The following DENND1B variants were observed in gnomAD, a reference collection of about 807,000 sequenced individuals.
The protein encoded by DENND1B is DENN domain containing 1B.
DENND1B carries 59 observed loss-of-function variants against 90.1 expected under a neutral mutation model. The ratio of observed to expected loss-of-function variants is 0.65; its 90% CI spans 0.53 to 0.81. DENND1B has a LOEUF of 0.81. DENND1B is among the 40% of genes least tolerant of loss of function. The pLI is 0.00. For missense variants in DENND1B, 862 were observed against 912.6 expected (o/e 0.94, Z 0.71); for synonymous variants, 337 against 324.6 (o/e 1.04, Z -0.41).
chr1:197,639,482 C>T (rs6682968), intron 10 of DENND1B, among the ~76,000 whole-genome samples: 23,315 of 152,154 alleles, frequency 0.15, 2,374 homozygotes, highest in Middle Eastern at 0.31. Flanking sequence ...TTATAATTAT[C>T]ATTCTCTTAT....
chr1:197,608,759 A>G (rs1405140892), intron 12 of DENND1B, among the ~76,000 whole-genome samples: 1 of 150,638 alleles, frequency 6.6e-6, no homozygotes, highest in Non-Finnish European at 1.5e-5. Context: ...CACTCAACTC[A>G]GAACAAGGAA....
rs1049758233 is a variant in DENND1B at position 197,618,912 on chromosome 1, T to C, written c.673-1153A>G. On this transcript the variant is annotated intron_variant, in intron 10 of 22. Transcript: ENST00000620048. Reference sequence around the variant, plus strand: ...TGTACACAAAGCTATCCAAATCCTATTATTAGCCACATTTGTCTATGTTTA... The same window carrying C: ...TGTACACAAAGCTATCCAAATCCTACTATTAGCCACATTTGTCTATGTTTA... Among the ~76,000 whole-genome samples the C allele has an allele frequency of 7.3e-5, 11 of 151,324 alleles. No individual in the cohort carries two copies. The South Asian group carries it at 1.5e-3, about 20-fold the overall frequency.
chr1:197,526,198 A>C (rs1330083925), intron 20 of DENND1B, among the ~76,000 whole-genome samples: 1 of 152,202 alleles, frequency 6.6e-6, no homozygotes, highest in African/African-American at 2.4e-5. Flanking sequence ...GGGGGACACT[A>C]ATAGGCAGCA....
intron 15 of DENND1B, among the ~76,000 whole-genome samples, chr1:197,555,958 G>T (rs1388416557): frequency 6.6e-6 from 1 of 152,048 alleles, no homozygotes; most frequent in Non-Finnish European, 1.5e-5. Flanking sequence ...CAACCCAGCT[G>T]CCTTTTACCA....
intron 3 of DENND1B, chr1:197,690,280 C>A: frequency 4.2e-6 from 1 of 239,090 alleles, no homozygotes; most frequent in South Asian, 7.2e-5. Flanking sequence ...GCTGACTGCA[C>A]TGCTCACATG....
intron 10 of DENND1B, among the ~76,000 whole-genome samples, chr1:197,625,115 C>T (rs891970553): frequency 2.2e-4 from 33 of 151,666 alleles, no homozygotes; most frequent in Non-Finnish European, 3.7e-4. Context: ...CCAGAATTTC[C>T]CCAATCTAGC....
chr1:197,621,031 C>T (rs910029777), intron 10 of DENND1B, among the ~76,000 whole-genome samples: 5 of 151,096 alleles, frequency 3.3e-5, no homozygotes, highest in Admixed American at 6.6e-5. Context: ...GTAAATTAAA[C>T]GAGGCATTCA....
At chr1:197,743,763 G>A (rs1358073989) in intron 2 of DENND1B, among the ~76,000 whole-genome samples, 1 of 152,178 alleles carries the variant, frequency 6.6e-6, no homozygotes, top group African/African-American at 2.4e-5. Flanking sequence ...CAGTAGGACT[G>A]CTTGAGCCCA....
At chr1:197,774,897 T>A (rs865844149) in intron 1 of DENND1B, among the ~76,000 whole-genome samples, 4 of 152,032 alleles carry the variant, frequency 2.6e-5, no homozygotes, top group Admixed American at 2.0e-4. Context: ...GCTAGTGGCC[T>A]CTCCGGGAGG....
intron 3 of DENND1B, among the ~76,000 whole-genome samples, chr1:197,686,785 C>T (rs1221970640): frequency 6.6e-6 from 1 of 151,736 alleles, no homozygotes; most frequent in Non-Finnish European, 1.5e-5. Context: ...TTCACAACTC[C>T]TTCTTCATAT....
intron 3 of DENND1B, among the ~76,000 whole-genome samples, chr1:197,681,914 TA>T: frequency 6.6e-6 from 1 of 152,294 alleles, no homozygotes; most frequent in East Asian, 1.9e-4. Context: ...AACATAGTGA[TA>T]AAATATGTTT....
Position 197,673,422 on chromosome 1 carries a change from G to A in DENND1B, c.176+698C>T, listed in dbSNP as rs552428302. On this transcript the variant is annotated intron_variant, in intron 4 of 22. Coordinates refer to ENST00000620048, the MANE Select transcript of DENND1B (RefSeq NM_001195215.2). ...CATAAAGTCTCACTAATACTTTAGC[G>A]AAGTATTTTCCTAAAATAAACATTC... Among the ~76,000 whole-genome samples the A allele has an allele frequency of 4.3e-4, 66 of 152,006 alleles. No individual in the cohort carries two copies. In the East Asian group the frequency reaches 9.7e-3, roughly 22 times the overall value.
At chr1:197,655,529 T>C (rs1287965955) in intron 6 of DENND1B, among the ~76,000 whole-genome samples, 1 of 151,590 alleles carries the variant, frequency 6.6e-6, no homozygotes, top group Non-Finnish European at 1.5e-5. Context: ...ATAGCTACAT[T>C]AACTTTTTTT....
intron 16 of DENND1B, among the ~76,000 whole-genome samples, chr1:197,548,767 G>A (rs1380877879): frequency 6.6e-6 from 1 of 151,972 alleles, no homozygotes; most frequent in Non-Finnish European, 1.5e-5. Context: ...TATTTGAAAG[G>A]GAAAGGGGCT....
intron 13 of DENND1B, among the ~76,000 whole-genome samples, chr1:197,602,727 AT>A (rs1349581257): frequency 6.6e-6 from 1 of 151,436 alleles, no homozygotes; most frequent in African/African-American, 2.4e-5. Context: ...ATAACTTAAT[AT>A]TTTTTGAAAA....
chr1:197,660,696 A>G (rs555432706), intron 5 of DENND1B, among the ~76,000 whole-genome samples: 195 of 152,262 alleles, frequency 1.3e-3, no homozygotes, highest in Middle Eastern at 3.4e-3. Context: ...AACAGCAATA[A>G]GGAAAGTTAG....
At chr1:197,688,701 C>A (rs1657522500) in intron 3 of DENND1B, 1 of 152,280 alleles carries the variant, frequency 6.6e-6, no homozygotes, top group Admixed American at 6.6e-5. Flanking sequence ...AGCTTTTTGG[C>A]AAAGGGTTTG....
At chr1:197,730,144 A>T (rs951618136) in intron 2 of DENND1B, among the ~76,000 whole-genome samples, 8 of 152,118 alleles carry the variant, frequency 5.3e-5, no homozygotes, top group Admixed American at 2.6e-4. Flanking sequence ...TCTAATTAAG[A>T]TTTTCTTTAA....
At chr1:197,591,055 G>A (rs1382723582) in intron 14 of DENND1B, among the ~76,000 whole-genome samples, 2 of 152,162 alleles carry the variant, frequency 1.3e-5, no homozygotes, top group African/African-American at 4.8e-5. Context: ...GCCTCTATAG[G>A]AGCGAATCCT....
Sources: gnomAD v4.1 joint callset for allele counts (sites outside exome capture counted in the v4.1 genomes callset) on GRCh38, gnomAD v4.1.1 for gene constraint, MANE v1.5 for transcripts, NCBI Gene and HGNC (gene_info 2026-07-23, HGNC 2026-07-21) for gene names.